Variants in CHCHD6 observed in about 807,000 individuals in gnomAD.
CHCHD6 encodes coiled-coil-helix-coiled-coil-helix domain containing 6.
CHCHD6 carries 28 observed loss-of-function variants against 32.3 expected under a neutral mutation model. The ratio of observed to expected loss-of-function variants is 0.87; its 90% CI spans 0.64 to 1.19. CHCHD6 has a LOEUF of 1.19. CHCHD6 is among the 50% of genes most tolerant of loss of function. The pLI, the probability that CHCHD6 is intolerant of heterozygous loss-of-function variation, is 0.00. For synonymous variants in CHCHD6, 122 were observed against 117.5 expected, an observed-to-expected ratio of 1.04 and a Z score of -0.25; for missense variants, 333 against 307.0, an observed-to-expected ratio of 1.08 and a Z score of -0.63.
intron 1 of CHCHD6, among the ~76,000 whole-genome samples, chr3:126,704,779 T>C (rs1028750505): frequency 2.0e-5 from 3 of 152,176 alleles, no homozygotes; most frequent in African/African-American, 7.2e-5. Flanking sequence ...GTCTCCCACC[T>C]GGGCTTTGCC....
chr3:126,915,210 G>A (rs1200112450), intron 6 of CHCHD6, among the ~76,000 whole-genome samples: 7 of 152,332 alleles, frequency 4.6e-5, no homozygotes, highest in Non-Finnish European at 1.0e-4. Context: ...TCATGCTCGG[G>A]GTGGCCCACA....
chr3:126,947,922 G>A (rs1246454116), intron 6 of CHCHD6, among the ~76,000 whole-genome samples: 1 of 152,148 alleles, frequency 6.6e-6, no homozygotes, highest in South Asian at 2.1e-4. Context: ...ATAAAATAAC[G>A]CCTTACAGGG....
At chr3:126,936,804 C>T (rs2078486119) in intron 6 of CHCHD6, among the ~76,000 whole-genome samples, 3 of 152,254 alleles carry the variant, frequency 2.0e-5, no homozygotes, top group African/African-American at 7.2e-5. Context: ...ATCTGCCCAC[C>T]TCAGCCTCCC....
At chr3:126,908,668 G>A (rs1208953494) in intron 5 of CHCHD6, among the ~76,000 whole-genome samples, 1 of 152,140 alleles carries the variant, frequency 6.6e-6, no homozygotes, top group Non-Finnish European at 1.5e-5. Flanking sequence ...TGACACTTCC[G>A]ATACTCTCGG....
chr3:126,945,517 G>C (rs2078623123), intron 6 of CHCHD6, among the ~76,000 whole-genome samples: 1 of 149,642 alleles, frequency 6.7e-6, no homozygotes, highest in African/African-American at 2.5e-5. Flanking sequence ...GGAGACTTGG[G>C]AGGGGGGAGA....
chr3:126,766,643 G>A, intron 4 of CHCHD6: 1 of 1,025,334 alleles, frequency 9.8e-7, no homozygotes. Context: ...ATGGGCCCCA[G>A]CTATGGTGCT....
chr3:126,720,328 G>T, intron 1 of CHCHD6, among the ~76,000 whole-genome samples: 1 of 152,278 alleles, frequency 6.6e-6, no homozygotes. Context: ...ATAGATCCCA[G>T]GACCCCTGAG....
chr3:126,810,263 CAT>C (rs1241144601), intron 4 of CHCHD6, among the ~76,000 whole-genome samples: 3 of 152,190 alleles, frequency 2.0e-5, no homozygotes, highest in South Asian at 2.1e-4. Flanking sequence ...GAACCATACA[CAT>C]GTTTTGGTTA....
chr3:126,733,906 G>A (rs751659520), intron 4 of CHCHD6, among the ~76,000 whole-genome samples: 9 of 152,162 alleles, frequency 5.9e-5, no homozygotes, highest in Non-Finnish European at 1.2e-4. Flanking sequence ...TGGCTCACTA[G>A]CATCATCATG....
rs184506955 is a variant in CHCHD6 at position 126,810,678 on chromosome 3, G to T, written c.412-41969G>T. Among the ~76,000 whole-genome samples the T allele has an allele frequency of 6.6e-5, 10 of 152,326 alleles. No individual in the cohort carries two copies. The East Asian group carries it at 1.9e-3, about 29-fold the overall frequency. On this transcript the variant is annotated intron_variant, in intron 4 of 7. Transcript: ENST00000290913. ...CAAAGGCACTACAATAATAGAAGAT[G>T]TTAACATTAGGGGAAACTGGGTGGG...
At chr3:126,747,550 T>C (rs974569457) in intron 4 of CHCHD6, among the ~76,000 whole-genome samples, 2 of 152,238 alleles carry the variant, frequency 1.3e-5, no homozygotes, top group African/African-American at 4.8e-5. Context: ...ATCATGTTTC[T>C]CAGTCTTCCT....
intron 3 of CHCHD6, among the ~76,000 whole-genome samples, chr3:126,732,708 A>G (rs1935865135): frequency 6.6e-6 from 1 of 152,254 alleles, no homozygotes; most frequent in Admixed American, 6.5e-5. Context: ...TAAATGTTCA[A>G]AACAGAGGAC....
intron 5 of CHCHD6, among the ~76,000 whole-genome samples, chr3:126,880,872 C>T (rs548374751): frequency 2.6e-5 from 4 of 152,252 alleles, no homozygotes; most frequent in East Asian, 1.9e-4. Flanking sequence ...GGTTCCTTGC[C>T]TCGGTTTCTG....
intron 4 of CHCHD6, among the ~76,000 whole-genome samples, chr3:126,837,450 C>T (rs982353163): frequency 2.0e-5 from 3 of 152,026 alleles, no homozygotes; most frequent in Non-Finnish European, 2.9e-5. Context: ...CCAAGCTACT[C>T]GGGAGGCTGA....
intron 2 of CHCHD6, among the ~76,000 whole-genome samples, chr3:126,729,027 C>A (rs1055148167): frequency 2.2e-4 from 34 of 151,898 alleles, no homozygotes; most frequent in African/African-American, 7.7e-4. Context: ...ACTATACCCC[C>A]CAAAAATGTC....
intron 5 of CHCHD6, among the ~76,000 whole-genome samples, chr3:126,853,912 C>T (rs779217209): frequency 1.2e-4 from 18 of 152,200 alleles, no homozygotes; most frequent in African/African-American, 3.4e-4. Context: ...TCACAGTTGC[C>T]GATATGTTCA....
intron 6 of CHCHD6, among the ~76,000 whole-genome samples, chr3:126,923,651 G>T (rs951030833): frequency 6.6e-6 from 1 of 152,262 alleles, no homozygotes; most frequent in African/African-American, 2.4e-5. Flanking sequence ...CGAGGGTACA[G>T]ATCTTAGCAG....
intron 6 of CHCHD6, among the ~76,000 whole-genome samples, chr3:126,920,742 C>T (rs916831671): frequency 4.6e-5 from 7 of 152,192 alleles, no homozygotes; most frequent in Admixed American, 3.9e-4. Context: ...GTGAGACTGC[C>T]GAGAATCTCC....
chr3:126,789,889 C>T (rs181510168), intron 4 of CHCHD6, among the ~76,000 whole-genome samples: 75 of 130,578 alleles, frequency 5.7e-4, no homozygotes, highest in African/African-American at 2.5e-3. Flanking sequence ...GATTATTTTG[C>T]TCGTTAGTTG....
Sources: allele counts gnomAD v4.1 joint callset (sites outside exome capture counted in the v4.1 genomes callset), GRCh38; gene constraint gnomAD v4.1.1; transcripts MANE v1.5; gene names NCBI Gene and HGNC (gene_info 2026-07-23, HGNC 2026-07-21).